The following ZNF362 variants were observed in gnomAD, a reference collection of about 807,000 sequenced individuals.
ZNF362 encodes rotund homolog.
A neutral mutation model predicts 42.9 loss-of-function variants in ZNF362; 11 were observed. That is an observed-to-expected ratio of 0.26 (90% CI 0.16 to 0.42). ZNF362 has a LOEUF of 0.42. Among genes scored for constraint, ZNF362 ranks in the 20% least tolerant of loss-of-function variants. ZNF362 has a pLI of 1.00. For missense variants in ZNF362, 362 were observed against 576.2 expected (o/e 0.63, Z 3.81); for synonymous variants, 255 against 257.3 (o/e 0.99, Z 0.09).
chr1:33,181,611 T>C, the ZNF362 span: 1 of 1,214,532 alleles, frequency 8.2e-7, no homozygotes, highest in African/African-American at 1.6e-5. This position sits in a 1 kb window ranked among gnomAD's most constrained non-coding sequence, Gnocchi z 6.5. Context: ...GAGGAAGGGG[T>C]GCGCGGCTGA....
the ZNF362 span, among the ~76,000 whole-genome samples, chr1:33,153,951 A>G: frequency 6.6e-6 from 1 of 152,204 alleles, no homozygotes; most frequent in Non-Finnish European, 1.5e-5. Context: ...GACAATGACA[A>G]AACAGTGAGA....
the ZNF362 span, among the ~76,000 whole-genome samples, chr1:33,202,717 A>G: frequency 2.0e-5 from 3 of 152,200 alleles, no homozygotes; most frequent in Non-Finnish European, 4.4e-5. Flanking sequence ...TGAGAAAGAA[A>G]AGCTATATAA....
the ZNF362 span, among the ~76,000 whole-genome samples, chr1:33,236,937 G>A: frequency 6.6e-6 from 1 of 151,758 alleles, no homozygotes; most frequent in African/African-American, 2.4e-5. Flanking sequence ...TGGGCGTGGT[G>A]GTACATGCCT....
the ZNF362 span, among the ~76,000 whole-genome samples, chr1:33,238,368 A>AAATAAAATAAAAT: frequency 2.0e-3 from 204 of 103,896 alleles, 1 homozygote; most frequent in African/African-American, 5.8e-3. Flanking sequence ...TAAAATAATA[A>AAATAAAATAAAAT]AATAAAATAA....
rs1557788270 is a variant in ZNF362, at chr1:33,266,567, G to A, written c.-88-3920G>A. On this transcript the variant is annotated intron_variant, in intron 1 of 8. Coordinates refer to ENST00000539719, the MANE Select transcript of ZNF362 (RefSeq NM_152493.3). This position sits in a 1 kb window ranked among gnomAD's most constrained non-coding sequence, Gnocchi z 4.3. ...GAGACAGGAGGGAAGACCTGGGTGA[G>A]CTGTGGGGCTATGTTGGGGTAGGGG... 6.6e-6 allele frequency among the ~76,000 whole-genome samples: 1 copy of A among 152,252 alleles called. No homozygotes were observed. Among genetic ancestry groups the A allele is most frequent in the Non-Finnish European group, 1.5e-5 (1 of 68,048 alleles).
the ZNF362 span, among the ~76,000 whole-genome samples, chr1:33,151,701 C>T: frequency 1.3e-5 from 2 of 152,184 alleles, no homozygotes; most frequent in African/African-American, 2.4e-5. Flanking sequence ...TGAGGCAGCC[C>T]GTCTGGTCTC....
At chr1:33,163,394 C>T in the ZNF362 span, 9 of 152,134 alleles carry the variant, frequency 5.9e-5, no homozygotes, top group African/African-American at 1.7e-4. Flanking sequence ...GTGCCAGACA[C>T]TGTGCTAGGT....
chr1:33,154,306 C>T, the ZNF362 span, among the ~76,000 whole-genome samples: 16 of 152,090 alleles, frequency 1.1e-4, no homozygotes, highest in Non-Finnish European at 2.2e-4. Flanking sequence ...AGCCCTGGAG[C>T]AGGGAGCCTG....
At chr1:33,174,991 A>G in the ZNF362 span, among the ~76,000 whole-genome samples, 1 of 147,878 alleles carries the variant, frequency 6.8e-6, no homozygotes, top group Non-Finnish European at 1.5e-5. Flanking sequence ...ATATATATGC[A>G]CACACACATG....
chr1:33,278,616 A>C (rs1645968235), intron 4 of ZNF362, among the ~76,000 whole-genome samples: 1 of 152,216 alleles, frequency 6.6e-6, no homozygotes, highest in Non-Finnish European at 1.5e-5. Flanking sequence ...AGAGAACCAC[A>C]ATTAGCAGTT....
Position 33,275,825 on chromosome 1 carries a change from G to A in ZNF362, c.39-275G>A, listed in dbSNP as rs908990878. Reference sequence around the variant, plus strand: ...GGCCAGCACTGGGGTGATAGGGGTGGGAGCTGGTTGAGAGTACTCTGGTCT... The same window carrying A: ...GGCCAGCACTGGGGTGATAGGGGTGAGAGCTGGTTGAGAGTACTCTGGTCT... On this transcript the variant is annotated intron_variant, in intron 2 of 8. Coordinates refer to ENST00000539719, the MANE Select transcript of ZNF362 (RefSeq NM_152493.3). 3.9e-5 allele frequency among the ~76,000 whole-genome samples: 6 copies of A among 152,130 alleles called. No homozygotes were observed. The East Asian group carries it at 1.2e-3, about 29-fold the overall frequency.
the ZNF362 span, chr1:33,181,528 G>A: frequency 6.9e-7 from 1 of 1,450,996 alleles, no homozygotes; most frequent in Non-Finnish European, 9.0e-7. The surrounding 1 kb of genome is among the most constrained non-coding windows in gnomAD (Gnocchi z 6.5). Flanking sequence ...TGGGCGCGGG[G>A]ACGAGGCCCG....
At chr1:33,197,283 A>C in the ZNF362 span, among the ~76,000 whole-genome samples, 1 of 152,098 alleles carries the variant, frequency 6.6e-6, no homozygotes, top group African/African-American at 2.4e-5. Context: ...TCTCCTCCCC[A>C]GTTTGCAGAC....
At chr1:33,132,835 G>A in the ZNF362 span, among the ~76,000 whole-genome samples, 1 of 152,352 alleles carries the variant, frequency 6.6e-6, no homozygotes, top group Non-Finnish European at 1.5e-5. Flanking sequence ...GAGATCTTGG[G>A]TAGTGATGAG....
the ZNF362 span, chr1:33,147,875 G>A: frequency 2.3e-6 from 2 of 862,454 alleles, no homozygotes; most frequent in Non-Finnish European, 3.5e-6. The surrounding 1 kb of genome is among the most constrained non-coding windows in gnomAD (Gnocchi z 8.1). Flanking sequence ...GCCCTCTCTG[G>A]GCCTCATCTT....
chr1:33,249,210 G>A, the ZNF362 span, among the ~76,000 whole-genome samples: 1 of 152,222 alleles, frequency 6.6e-6, no homozygotes, highest in African/African-American at 2.4e-5. Context: ...GGCAGAGATG[G>A]TTGGGGAGCA....
the ZNF362 span, among the ~76,000 whole-genome samples, chr1:33,152,867 A>C: frequency 6.6e-6 from 1 of 152,106 alleles, no homozygotes; most frequent in Non-Finnish European, 1.5e-5. Context: ...GCAGCCCAGG[A>C]TGGGGAGAAG....
the ZNF362 span, among the ~76,000 whole-genome samples, chr1:33,156,416 TG>T: frequency 1.3e-5 from 2 of 152,214 alleles, no homozygotes; most frequent in African/African-American, 2.4e-5. Context: ...TAGTCTCTTC[TG>T]GGTTCTCCCA....
intron 2 of ZNF362, 129 bp downstream of exon 2, chr1:33,270,741 G>A: frequency 6.7e-7 from 1 of 1,485,792 alleles, no homozygotes. Flanking sequence ...CCCTGGGGGA[G>A]GTGTGTGCTT....
Sources: gnomAD v4.1 joint callset for allele counts (sites outside exome capture counted in the v4.1 genomes callset) on GRCh38, gnomAD v4.1.1 for gene constraint, Gnocchi (gnomAD v3.1) non-coding constraint, MANE v1.5 for transcripts, NCBI Gene and HGNC (gene_info 2026-07-23, HGNC 2026-07-21) for gene names.